Variants in RHOJ observed in about 807,000 individuals in gnomAD.
The protein encoded by RHOJ is ras homolog family member J.
A neutral mutation model predicts 23.4 loss-of-function variants in RHOJ; 11 were observed. The ratio of observed to expected loss-of-function variants is 0.47; its 90% CI spans 0.30 to 0.78. The LOEUF is 0.78. RHOJ is among the 30% of genes least tolerant of loss of function. The pLI is 0.08. For synonymous variants in RHOJ, 102 were observed against 102.7 expected (o/e 0.99, Z 0.04); for missense variants, 254 against 273.4 (o/e 0.93, Z 0.50).
intron 1 of RHOJ, among the ~76,000 whole-genome samples, chr14:63,235,023 G>A (rs1193421622): frequency 1.3e-5 from 2 of 152,190 alleles, no homozygotes; most frequent in East Asian, 1.9e-4. Flanking sequence ...AGTTTCTTCT[G>A]TCTAATCTAA....
intron 1 of RHOJ, among the ~76,000 whole-genome samples, chr14:63,250,030 A>G (rs1205124208): frequency 2.0e-5 from 3 of 152,198 alleles, no homozygotes; most frequent in South Asian, 4.1e-4. Flanking sequence ...TGTTCTCCAC[A>G]TGGACAGCAA....
At chr14:63,279,760 C>T (rs1165526133) in intron 2 of RHOJ, among the ~76,000 whole-genome samples, 1 of 152,174 alleles carries the variant, frequency 6.6e-6, no homozygotes, top group Admixed American at 6.5e-5. Flanking sequence ...TAGCTCTAAA[C>T]CCTCACTCAA....
chr14:63,231,212 TTA>T (rs1232203937), intron 1 of RHOJ, among the ~76,000 whole-genome samples: 1 of 152,192 alleles, frequency 6.6e-6, no homozygotes, highest in African/African-American at 2.4e-5. Context: ...TTAATTATTT[TTA>T]TGTTAGTTCT....
chr14:63,208,653 C>G (rs973130236), intron 1 of RHOJ, among the ~76,000 whole-genome samples: 1 of 152,208 alleles, frequency 6.6e-6, no homozygotes, highest in African/African-American at 2.4e-5. Flanking sequence ...TGCCACCTCC[C>G]CTCTGTCTTC....
At chr14:63,283,074 C>T (rs773690260) in intron 3 of RHOJ, 47 bp from the exon 4 acceptor site, 1 of 1,436,774 alleles carries the variant, frequency 7.0e-7, no homozygotes, top group South Asian at 1.1e-5. Flanking sequence ...AAATATCTGG[C>T]AAGGCCTGAG....
intron 1 of RHOJ, among the ~76,000 whole-genome samples, chr14:63,232,915 C>G (rs1894723138): frequency 6.6e-6 from 1 of 152,084 alleles, no homozygotes; most frequent in Admixed American, 6.5e-5. Context: ...AGGCTGGTAT[C>G]AAACTCCTGG....
intron 3 of RHOJ, among the ~76,000 whole-genome samples, chr14:63,282,032 T>C (rs1881919466): frequency 1.3e-5 from 2 of 152,192 alleles, no homozygotes; most frequent in South Asian, 4.1e-4. Flanking sequence ...TGTATTTACT[T>C]AGAGAAAGTA....
At position 63,205,062 on chromosome 14, in the gene RHOJ, GA is replaced by G; in HGVS notation, c.178+18del. 6.2e-7 allele frequency: 1 copy of G among 1,607,882 alleles called. No homozygotes were observed. Among genetic ancestry groups the G allele is most frequent in the Non-Finnish European group, 8.5e-7 (1 of 1,176,176 alleles). On this transcript the variant is annotated intron_variant, in intron 1 of 4. Coordinates refer to ENST00000316754, the MANE Select transcript of RHOJ (RefSeq NM_020663.5). ...CCACTATGCAGGTAAGAAAAAGTGG[GA>G]AACTCTCTGCATCCAGACAAACGAT...
intron 3 of RHOJ, among the ~76,000 whole-genome samples, chr14:63,281,852 C>T (rs1881909032): frequency 6.6e-6 from 1 of 152,168 alleles, no homozygotes; most frequent in South Asian, 2.1e-4. Context: ...AAATGACTAT[C>T]CCAAAGACAT....
rs117930026 is a variant in RHOJ at position 63,237,942 on chromosome 14, C to G, written c.179-31168C>G. 2.8e-3 allele frequency among the ~76,000 whole-genome samples: 426 copies of G among 152,282 alleles called. 2 individuals are homozygous for G. In the Middle Eastern group the frequency reaches 0.051, roughly 18 times the overall value. ...TTCTTGCCGCTTACGCCTGGTTGTT[C>G]TCCCACCCTGCTCTGTCCTGCTGGT... On this transcript the variant is annotated intron_variant, in intron 1 of 4. Coordinates refer to ENST00000316754, the MANE Select transcript of RHOJ (RefSeq NM_020663.5).
chr14:63,233,399 G>A (rs1284494131), intron 1 of RHOJ, among the ~76,000 whole-genome samples: 2 of 152,072 alleles, frequency 1.3e-5, no homozygotes, highest in African/African-American at 4.8e-5. Context: ...GAAAACTATT[G>A]AATTGCACTT....
chr14:63,257,286 C>G (rs1177489105), intron 1 of RHOJ, among the ~76,000 whole-genome samples: 1 of 148,748 alleles, frequency 6.7e-6, no homozygotes, highest in Non-Finnish European at 1.5e-5. Context: ...CACCCCGACC[C>G]AGTCCCCAGC....
intron 1 of RHOJ, among the ~76,000 whole-genome samples, chr14:63,210,815 T>C (rs1894219704): frequency 6.6e-6 from 1 of 152,214 alleles, no homozygotes; most frequent in East Asian, 1.9e-4. Context: ...GTGTGTAAAA[T>C]AAGCTCATTC....
At chr14:63,234,256 G>C (rs1894747579) in intron 1 of RHOJ, among the ~76,000 whole-genome samples, 1 of 152,174 alleles carries the variant, frequency 6.6e-6, no homozygotes, top group South Asian at 2.1e-4. Context: ...AGTGGGTCAA[G>C]CATATAGTAC....
intron 1 of RHOJ, among the ~76,000 whole-genome samples, chr14:63,222,581 A>T (rs562102569): frequency 5.3e-4 from 80 of 152,252 alleles, no homozygotes; most frequent in Middle Eastern, 6.8e-3. Flanking sequence ...GCCAGTGATG[A>T]TGAGCATTTT....
chr14:63,229,566 G>C (rs1184644338), intron 1 of RHOJ, among the ~76,000 whole-genome samples: 2 of 152,090 alleles, frequency 1.3e-5, no homozygotes, highest in South Asian at 4.2e-4. Context: ...CATCAGCCAA[G>C]CACTGTTCTC....
chr14:63,265,945 A>G (rs1437448822), intron 1 of RHOJ, among the ~76,000 whole-genome samples: 1 of 152,244 alleles, frequency 6.6e-6, no homozygotes, highest in Non-Finnish European at 1.5e-5. Flanking sequence ...CAACCTATCT[A>G]TATAATATAT....
chr14:63,221,862 T>G (rs1038759142), intron 1 of RHOJ, among the ~76,000 whole-genome samples: 1 of 152,082 alleles, frequency 6.6e-6, no homozygotes, highest in African/African-American at 2.4e-5. Flanking sequence ...CTAGGGTACA[T>G]GCGCACAACG....
intron 4 of RHOJ, among the ~76,000 whole-genome samples, chr14:63,285,283 AGAGT>A (rs1181776952): frequency 6.6e-6 from 1 of 152,184 alleles, no homozygotes; most frequent in Non-Finnish European, 1.5e-5. Context: ...AGCAAGTGGC[AGAGT>A]GAGGATAGAA....
Sources: gnomAD v4.1 joint callset for allele counts (sites outside exome capture counted in the v4.1 genomes callset) on GRCh38, gnomAD v4.1.1 for gene constraint, MANE v1.5 for transcripts, NCBI Gene and HGNC (gene_info 2026-07-23, HGNC 2026-07-21) for gene names.